CALN1: variants seen among roughly 807,000 people sequenced by gnomAD.
The protein encoded by CALN1 is calneuron 1.
A neutral mutation model predicts 30.6 loss-of-function variants in CALN1; 17 were observed. That is an observed-to-expected ratio of 0.56 (90% CI 0.38 to 0.83). The LOEUF is 0.83. CALN1 is among the 40% of genes least tolerant of loss of function. The pLI is 0.00. For missense variants in CALN1, 291 were observed against 354.9 expected, an observed-to-expected ratio of 0.82 and a Z score of 1.45; for synonymous variants, 156 against 131.4, an observed-to-expected ratio of 1.19 and a Z score of -1.28.
At chr7:72,039,485 T>C (rs1801995790) in intron 4 of CALN1, among the ~76,000 whole-genome samples, 5 of 152,216 alleles carry the variant, frequency 3.3e-5, no homozygotes, top group Admixed American at 3.3e-4. Context: ...TTTTAGATAA[T>C]AAAAGATTCC....
At chr7:71,808,203 T>G (rs1455624355) in intron 6 of CALN1, among the ~76,000 whole-genome samples, 1 of 151,968 alleles carries the variant, frequency 6.6e-6, no homozygotes, top group Non-Finnish European at 1.5e-5. Context: ...ATTTATTAAA[T>G]GTTATGGTGA....
chr7:72,208,732 G>C (rs1030898487), intron 3 of CALN1, among the ~76,000 whole-genome samples: 1 of 152,132 alleles, frequency 6.6e-6, no homozygotes, highest in African/African-American at 2.4e-5. Context: ...AGCCATGCTC[G>C]ATACACAGGA....
chr7:71,790,130 AAGAAAGAAGAAAGAAAGAAGAAAG>A (rs1261754047), intron 6 of CALN1, among the ~76,000 whole-genome samples: 1 of 141,440 alleles, frequency 7.1e-6, no homozygotes, highest in African/African-American at 2.7e-5. Context: ...GAGAAGAAAG[AAGAAAGAAGAAAGAAAGAAGAAAG>A]AGAAAGAAAA....
chr7:72,381,234 G>C (rs1804880077), intron 2 of CALN1, among the ~76,000 whole-genome samples: 1 of 152,164 alleles, frequency 6.6e-6, no homozygotes, highest in Non-Finnish European at 1.5e-5. Context: ...TTACACTGTT[G>C]GTGAGAGTGT....
At position 72,195,626 on chromosome 7, in the gene CALN1, C is replaced by T. The variant is rs183533245; in HGVS notation, c.244+83060G>A. Among the ~76,000 whole-genome samples, 393 of 152,220 alleles carry T rather than the reference C, an allele frequency of 2.6e-3. 1 individual carries two copies. The highest frequency in any genetic ancestry group is 9.8e-3 in the South Asian group (47 of 4,806). On this transcript the variant is annotated intron_variant, in intron 3 of 6. Transcript: ENST00000395275. ...ACTCCTGGGCCTCAGGCGATCCTCC[C>T]TACTTAGCCTCCCAAAGCACTGGGA... is the stretch of plus-strand genomic sequence containing the variant.
At chr7:72,218,236 C>G (rs1456109448) in intron 3 of CALN1, among the ~76,000 whole-genome samples, 1 of 151,680 alleles carries the variant, frequency 6.6e-6, no homozygotes, top group African/African-American at 2.4e-5. Context: ...ATCACCAGGT[C>G]AGGAGATCGA....
intron 4 of CALN1, among the ~76,000 whole-genome samples, chr7:72,035,791 A>G (rs1801756960): frequency 6.6e-6 from 1 of 152,192 alleles, no homozygotes; most frequent in African/African-American, 2.4e-5. Context: ...CTCTTTATAC[A>G]TTACATGGCC....
rs932056659 is a variant in CALN1 at position 72,108,012 on chromosome 7, T to C, written c.245-1718A>G. Among the ~76,000 whole-genome samples the C allele has an allele frequency of 7.9e-5, 12 of 152,274 alleles. No homozygotes were observed. In the East Asian group the frequency reaches 1.5e-3, roughly 20 times the overall value. Reference sequence around the variant, plus strand: ...CCACAAACTTGGTGATTTAAGACAATAGAAATCTATTCTCTCACAGTCTGG... The same window carrying C: ...CCACAAACTTGGTGATTTAAGACAACAGAAATCTATTCTCTCACAGTCTGG... On this transcript the variant is annotated intron_variant, in intron 3 of 6. Coordinates refer to ENST00000395275, the MANE Select transcript of CALN1 (RefSeq NM_031468.4).
At chr7:72,332,038 T>C (rs1182380111) in intron 2 of CALN1, among the ~76,000 whole-genome samples, 1 of 152,220 alleles carries the variant, frequency 6.6e-6, no homozygotes, top group Non-Finnish European at 1.5e-5. Context: ...ACTCATCATT[T>C]TTTATGGCTG....
chr7:72,384,965 C>A (rs1008825741), intron 2 of CALN1, among the ~76,000 whole-genome samples: 15 of 151,822 alleles, frequency 9.9e-5, no homozygotes, highest in Non-Finnish European at 1.9e-4. Context: ...ATGAAAAAAA[C>A]AAAGAATCTC....
At chr7:72,001,888 TAA>T (rs1214185735) in intron 5 of CALN1, among the ~76,000 whole-genome samples, 1 of 152,144 alleles carries the variant, frequency 6.6e-6, no homozygotes, top group Non-Finnish European at 1.5e-5. Flanking sequence ...TTTAACATTT[TAA>T]AAGTCAATCA....
chr7:72,199,961 C>T (rs575357), intron 3 of CALN1, among the ~76,000 whole-genome samples: 1,550 of 152,228 alleles, frequency 0.01, 24 homozygotes, highest in African/African-American at 0.035. Flanking sequence ...GAAACAATGA[C>T]GGGCAGCCTG....
intron 2 of CALN1, among the ~76,000 whole-genome samples, chr7:72,379,662 A>T (rs1355563699): frequency 1.3e-5 from 2 of 152,282 alleles, no homozygotes; most frequent in Non-Finnish European, 2.9e-5. Flanking sequence ...CAACAGAGAC[A>T]GGACACTCAA....
chr7:72,440,790 G>A (rs966661057), intron 1 of CALN1, among the ~76,000 whole-genome samples: 1 of 152,182 alleles, frequency 6.6e-6, no homozygotes, highest in Non-Finnish European at 1.5e-5. Context: ...TCGCACCACT[G>A]CACTCCAGCC....
upstream of CALN1, among the ~76,000 whole-genome samples, chr7:72,414,347 T>G (rs1807355141): frequency 6.6e-6 from 1 of 152,166 alleles, no homozygotes. Flanking sequence ...GATCAACCCC[T>G]AGTTCACAAT....
At chr7:72,224,693 A>G (rs1793543402) in intron 3 of CALN1, among the ~76,000 whole-genome samples, 1 of 152,002 alleles carries the variant, frequency 6.6e-6, no homozygotes, top group Non-Finnish European at 1.5e-5. Context: ...AGACACGAGA[A>G]TCGCTTGAAC....
intron 3 of CALN1, among the ~76,000 whole-genome samples, chr7:72,233,841 T>C (rs1465080363): frequency 1.3e-5 from 2 of 151,770 alleles, no homozygotes; most frequent in East Asian, 3.9e-4. Context: ...ACATTTCTAC[T>C]AAAAATACAA....
intron 2 of CALN1, among the ~76,000 whole-genome samples, chr7:72,289,976 G>A (rs1304446572): frequency 1.3e-5 from 2 of 151,342 alleles, no homozygotes; most frequent in Non-Finnish European, 2.9e-5. Context: ...TACTCAGGAG[G>A]CTGAGGTTGG....
At chr7:72,075,836 G>A (rs1281999947) in intron 4 of CALN1, among the ~76,000 whole-genome samples, 1 of 152,122 alleles carries the variant, frequency 6.6e-6, no homozygotes, top group Non-Finnish European at 1.5e-5. Flanking sequence ...GAGACATCTG[G>A]GTGTCAGGGG....
Sources: allele counts gnomAD v4.1 joint callset (sites outside exome capture counted in the v4.1 genomes callset), GRCh38; gene constraint gnomAD v4.1.1; transcripts MANE v1.5; gene names NCBI Gene and HGNC (gene_info 2026-07-23, HGNC 2026-07-21).